The following ZFPM1 variants were observed in gnomAD, a reference collection of about 807,000 sequenced individuals.
ZFPM1 encodes zinc finger protein ZFPM1.
Under a neutral mutation model 46.3 loss-of-function variants are expected in ZFPM1, and 28 were observed. That is an observed-to-expected ratio of 0.60 (90% CI 0.45 to 0.83). The LOEUF is 0.83. Ranked by LOEUF, ZFPM1 falls within the 40% of genes least tolerant of loss-of-function variation. ZFPM1 has a pLI of 0.00. For missense variants in ZFPM1, 1,878 were observed against 1,432.4 expected (o/e 1.31, Z -5.02); for synonymous variants, 957 against 675.9 (o/e 1.42, Z -6.45).
intron 1 of ZFPM1, among the ~76,000 whole-genome samples, chr16:88,484,636 G>T (rs1379798302): frequency 2.6e-5 from 4 of 152,202 alleles, no homozygotes; most frequent in African/African-American, 9.6e-5. Flanking sequence ...GGCGGGTCAG[G>T]CCTTGTGGAG....
chr16:88,492,892 C>T (rs1384147909), intron 3 of ZFPM1, among the ~76,000 whole-genome samples: 1 of 152,210 alleles, frequency 6.6e-6, no homozygotes, highest in Non-Finnish European at 1.5e-5. Flanking sequence ...TAAGTGAGTT[C>T]CTGGGCACAC....
At chr16:88,523,034 C>T (rs964829860) in intron 4 of ZFPM1, among the ~76,000 whole-genome samples, 12 of 152,106 alleles carry the variant, frequency 7.9e-5, no homozygotes, top group Admixed American at 6.5e-5. Flanking sequence ...AGTGAAACCC[C>T]GTCCCTACTT....
intron 6 of ZFPM1, 125 bp from the exon 7 acceptor site, chr16:88,531,877 G>C: frequency 1.1e-6 from 1 of 899,796 alleles, no homozygotes; most frequent in Non-Finnish European, 1.7e-6. Flanking sequence ...AGGGGTCAAA[G>C]CCTCAGCTCC....
upstream of ZFPM1, among the ~76,000 whole-genome samples, chr16:88,452,995 C>T (rs1202379110): frequency 7.0e-6 from 1 of 141,940 alleles, no homozygotes; most frequent in Non-Finnish European, 1.5e-5. Context: ...TCGAGCGGGG[C>T]GGGGACAGTG....
chr16:88,459,017 G>A (rs1039416916), intron 1 of ZFPM1, among the ~76,000 whole-genome samples: 5 of 152,236 alleles, frequency 3.3e-5, no homozygotes, highest in African/African-American at 7.2e-5. Flanking sequence ...TGGCCTTATG[G>A]ACCAGGGGAG....
At chr16:88,468,308 A>G (rs924137801) in intron 1 of ZFPM1, among the ~76,000 whole-genome samples, 1 of 152,106 alleles carries the variant, frequency 6.6e-6, no homozygotes, top group Non-Finnish European at 1.5e-5. Flanking sequence ...CTAGAGGGAG[A>G]GCTGAGCACT....
intron 4 of ZFPM1, among the ~76,000 whole-genome samples, chr16:88,518,554 G>A (rs558903098): frequency 6.6e-6 from 1 of 150,956 alleles, no homozygotes; most frequent in Admixed American, 6.6e-5. Context: ...TGGATGGATG[G>A]ATGGAAGGAT....
chr16:88,495,132 C>T (rs1186202230), intron 3 of ZFPM1, among the ~76,000 whole-genome samples: 1 of 152,232 alleles, frequency 6.6e-6, no homozygotes, highest in Non-Finnish European at 1.5e-5. Flanking sequence ...TGGAGGCGCT[C>T]AGACGTGCCA....
rs578145664 is a variant in ZFPM1, at chr16:88,454,657, G to C, written c.40+979G>C. Among the ~76,000 whole-genome samples the C allele has an allele frequency of 1.2e-4, 18 of 152,360 alleles. 1 individual carries two copies. In the South Asian group the frequency reaches 3.1e-3, roughly 26 times the overall value. ...GGGCCACTGTCTGGCCTGGGCCTCT[G>C]GGCTGTGCCAGGAGGGAGCAAGAGC... On this transcript the variant is annotated intron_variant, in intron 1 of 9. Coordinates refer to ENST00000319555, the MANE Select transcript of ZFPM1 (RefSeq NM_153813.3).
upstream of ZFPM1, among the ~76,000 whole-genome samples, chr16:88,452,254 G>C (rs564252993): frequency 8.7e-4 from 133 of 152,246 alleles, no homozygotes; most frequent in Non-Finnish European, 1.3e-3. Flanking sequence ...GAGCCTCCGT[G>C]AAGTGGGGCT....
chr16:88,515,454 G>A (rs1911238570), intron 4 of ZFPM1, among the ~76,000 whole-genome samples: 1 of 152,262 alleles, frequency 6.6e-6, no homozygotes, highest in East Asian at 1.9e-4. Context: ...CCTTGGGTGA[G>A]ACACAGGGGC....
chr16:88,482,347 G>A (rs1330080241), intron 1 of ZFPM1, among the ~76,000 whole-genome samples: 1 of 152,158 alleles, frequency 6.6e-6, no homozygotes, highest in Non-Finnish European at 1.5e-5. Context: ...CACCGAGGCA[G>A]GCCCAGGGCA....
intron 1 of ZFPM1, among the ~76,000 whole-genome samples, chr16:88,459,882 C>T (rs1301793526): frequency 1.3e-5 from 2 of 149,062 alleles, no homozygotes; most frequent in Admixed American, 1.3e-4. Context: ...TCCCTCTTCC[C>T]AAGCTGTCTC....
intron 3 of ZFPM1, among the ~76,000 whole-genome samples, chr16:88,490,753 G>T (rs1010076772): frequency 6.6e-5 from 10 of 152,202 alleles, no homozygotes; most frequent in Non-Finnish European, 1.5e-4. Context: ...AGTTACACCT[G>T]CATGGGCTGT....
intron 1 of ZFPM1, among the ~76,000 whole-genome samples, chr16:88,477,975 C>G (rs1489691529): frequency 1.3e-5 from 2 of 148,958 alleles, no homozygotes; most frequent in Non-Finnish European, 3.0e-5. Context: ...GAGGGGAGAA[C>G]AGGGAGAACA....
chr16:88,524,103 C>T (rs991575275), intron 4 of ZFPM1, among the ~76,000 whole-genome samples: 3 of 152,168 alleles, frequency 2.0e-5, no homozygotes, highest in Non-Finnish European at 4.4e-5. Context: ...AATATTGGGA[C>T]GAATAATTAG....
At chr16:88,532,349 G>T in intron 7 of ZFPM1, 114 bp downstream of exon 7, 1 of 1,139,712 alleles carries the variant, frequency 8.8e-7, no homozygotes, top group Non-Finnish European at 1.2e-6. Context: ...CCATTCACCT[G>T]CGCGGTCTCC....
At chr16:88,530,276 G>A (rs932642241) in intron 6 of ZFPM1, among the ~76,000 whole-genome samples, 5 of 152,280 alleles carry the variant, frequency 3.3e-5, no homozygotes, top group East Asian at 1.9e-4. Context: ...CACAGCCTGC[G>A]GAGACCACCT....
At chr16:88,498,808 G>T (rs554979041) in intron 3 of ZFPM1, among the ~76,000 whole-genome samples, 56 of 152,366 alleles carry the variant, frequency 3.7e-4, no homozygotes, top group Non-Finnish European at 7.1e-4. Context: ...TGGAAACTGA[G>T]TTCAGAGGTC....
Sources: gnomAD v4.1 joint callset for allele counts (sites outside exome capture counted in the v4.1 genomes callset) on GRCh38, gnomAD v4.1.1 for gene constraint, MANE v1.5 for transcripts, NCBI Gene and HGNC (gene_info 2026-07-23, HGNC 2026-07-21) for gene names.